Variants in TESK2 observed in about 807,000 individuals in gnomAD.
TESK2 encodes the protein testis associated actin remodelling kinase 2.
TESK2 carries 39 observed loss-of-function variants against 57.1 expected under a neutral mutation model. That is an observed-to-expected ratio of 0.68 (90% CI 0.53 to 0.89). The LOEUF (loss-of-function observed/expected upper bound fraction) is 0.89, where lower values mean the gene tolerates loss of function less well. Among genes scored for constraint, TESK2 ranks in the 40% least tolerant of loss-of-function variants. The pLI, the probability that TESK2 is intolerant of heterozygous loss-of-function variation, is 0.00. For missense variants in TESK2, 646 were observed against 732.1 expected (o/e 0.88, Z 1.36); for synonymous variants, 249 against 267.9 (o/e 0.93, Z 0.69).
chr1:45,480,992 A>T (rs1333073142), intron 1 of TESK2, among the ~76,000 whole-genome samples: 1 of 151,634 alleles, frequency 6.6e-6, no homozygotes, highest in East Asian at 1.9e-4. Context: ...TGTCTCAAAA[A>T]AATAATAATA....
At chr1:45,415,080 G>A (rs1252417915) in intron 3 of TESK2, 5 of 1,392,510 alleles carry the variant, frequency 3.6e-6, no homozygotes, top group Admixed American at 1.7e-5. Context: ...CTTGGGCCAC[G>A]TCTCCTTCGA....
At chr1:45,431,183 C>T (rs1650935359) in intron 2 of TESK2, among the ~76,000 whole-genome samples, 1 of 152,152 alleles carries the variant, frequency 6.6e-6, no homozygotes, top group Admixed American at 6.5e-5. Context: ...CTTTGGGAGG[C>T]CGAGGTCGGC....
chr1:45,381,439 A>C (rs1176312045), intron 4 of TESK2, among the ~76,000 whole-genome samples: 1 of 152,322 alleles, frequency 6.6e-6, no homozygotes, highest in African/African-American at 2.4e-5. Flanking sequence ...GAGAGTCATG[A>C]AAATCAGTTG....
intron 1 of TESK2, among the ~76,000 whole-genome samples, chr1:45,487,511 C>T (rs2149310414): frequency 6.6e-6 from 1 of 152,336 alleles, no homozygotes; most frequent in African/African-American, 2.4e-5. Flanking sequence ...CTCCATTCCC[C>T]TTCAACAGCA....
At chr1:45,462,439 A>AT (rs1271718581) in intron 1 of TESK2, among the ~76,000 whole-genome samples, 1 of 151,994 alleles carries the variant, frequency 6.6e-6, no homozygotes, top group South Asian at 2.1e-4. Flanking sequence ...CACCCGGCTA[A>AT]TTTTTTGTAT....
chr1:45,476,042 G>T (rs1024128719), intron 1 of TESK2, among the ~76,000 whole-genome samples: 1 of 152,088 alleles, frequency 6.6e-6, no homozygotes, highest in African/African-American at 2.4e-5. Flanking sequence ...ACTTGCAGAC[G>T]GCCTATCGTG....
chr1:45,347,205 G>A, intron 7 of TESK2, 143 bp from the exon 8 acceptor site: 1 of 668,742 alleles, frequency 1.5e-6, no homozygotes. Context: ...GTCAGTCACT[G>A]GGCAGCTGCC....
At chr1:45,451,542 G>A (rs903696445) in intron 2 of TESK2, among the ~76,000 whole-genome samples, 2 of 152,158 alleles carry the variant, frequency 1.3e-5, no homozygotes, top group African/African-American at 4.8e-5. Flanking sequence ...GGTACCCGGG[G>A]TGGTGAAGGG....
At chr1:45,481,460 A>G (rs557833322) in intron 1 of TESK2, among the ~76,000 whole-genome samples, 1 of 152,170 alleles carries the variant, frequency 6.6e-6, no homozygotes, top group East Asian at 1.9e-4. Context: ...GGACTATACA[A>G]TTGACCCTTG....
intron 4 of TESK2, among the ~76,000 whole-genome samples, chr1:45,376,741 C>T (rs1174370618): frequency 3.3e-5 from 5 of 152,012 alleles, no homozygotes; most frequent in African/African-American, 1.2e-4. Flanking sequence ...ATTCCTAGTA[C>T]TGGAAGGGAC....
intron 3 of TESK2, among the ~76,000 whole-genome samples, chr1:45,408,721 G>A (rs1006315330): frequency 7.9e-5 from 12 of 152,174 alleles, no homozygotes; most frequent in African/African-American, 2.7e-4. Flanking sequence ...AGGGTTGAGG[G>A]TAGGATAGGA....
Position 45,343,935 on chromosome 1 carries a change from T to G in TESK2, c.*905A>C. On this transcript the variant is annotated 3_prime_UTR_variant, in exon 11 of 11. Coordinates refer to ENST00000372086, the MANE Select transcript of TESK2 (RefSeq NM_007170.3). This position sits in a 1 kb window ranked among gnomAD's most constrained non-coding sequence, Gnocchi z 4.3. Reference sequence around the variant, plus strand: ...GTCTGAAAATGTCTTGGGAAAGTTTTACAAAAAAAAAAATCAACAGAAGCA... The same window carrying G: ...GTCTGAAAATGTCTTGGGAAAGTTTGACAAAAAAAAAAATCAACAGAAGCA... 1 of 426,654 alleles carries G rather than the reference T, an allele frequency of 2.3e-6. No individual in the cohort carries two copies. The highest frequency in any genetic ancestry group is 4.1e-6 in the Non-Finnish European group (1 of 240,976). The allele number at this position is 426,654 out of a possible 1,614,324, so 26.4% of individuals were successfully genotyped here.
chr1:45,427,916 C>T (rs1037705761), intron 2 of TESK2, among the ~76,000 whole-genome samples: 8 of 152,006 alleles, frequency 5.3e-5, no homozygotes, highest in African/African-American at 1.9e-4. Context: ...GGAATGTTTG[C>T]AACACAAAGA....
At chr1:45,477,506 C>T (rs1653044148) in intron 1 of TESK2, among the ~76,000 whole-genome samples, 1 of 151,756 alleles carries the variant, frequency 6.6e-6, no homozygotes, top group South Asian at 2.1e-4. Context: ...CCTGTAATTC[C>T]AGCTACTCGG....
chr1:45,483,601 GAA>G (rs11286213), intron 1 of TESK2, among the ~76,000 whole-genome samples: 22 of 132,350 alleles, frequency 1.7e-4, no homozygotes, highest in African/African-American at 3.0e-4. Flanking sequence ...TCAGAAAAAA[GAA>G]AAAAAAAAAA....
chr1:45,471,210 G>C (rs1053587107), intron 1 of TESK2, among the ~76,000 whole-genome samples: 1 of 151,886 alleles, frequency 6.6e-6, no homozygotes, highest in Non-Finnish European at 1.5e-5. Context: ...CAGCCTGGTC[G>C]ACAGAGCAAG....
At chr1:45,478,405 G>C (rs1022116447) in intron 1 of TESK2, among the ~76,000 whole-genome samples, 4 of 152,140 alleles carry the variant, frequency 2.6e-5, no homozygotes, top group African/African-American at 9.7e-5. Flanking sequence ...TCCAGACTAT[G>C]AGCTCTTTTA....
chr1:45,427,731 G>C (rs1315124087), intron 2 of TESK2, among the ~76,000 whole-genome samples: 1 of 152,176 alleles, frequency 6.6e-6, no homozygotes, highest in Non-Finnish European at 1.5e-5. Flanking sequence ...CATAGAGACA[G>C]AGTAGAATGA....
intron 3 of TESK2, among the ~76,000 whole-genome samples, chr1:45,388,573 G>A (rs1648993034): frequency 6.6e-6 from 1 of 152,142 alleles, no homozygotes. Context: ...TTGTGACAGA[G>A]ACTGTGTGAC....
Sources: gnomAD v4.1 joint callset for allele counts (sites outside exome capture counted in the v4.1 genomes callset) on GRCh38, gnomAD v4.1.1 for gene constraint, Gnocchi (gnomAD v3.1) non-coding constraint, MANE v1.5 for transcripts, NCBI Gene and HGNC (gene_info 2026-07-23, HGNC 2026-07-21) for gene names.